GPC5: variants seen among roughly 807,000 people sequenced by gnomAD.
GPC5 encodes glypican-5.
In GPC5, 47 loss-of-function variants were observed where a neutral mutation model predicts 53.9. That is an observed-to-expected ratio of 0.87 (90% CI 0.69 to 1.11). The LOEUF is 1.11. Among genes scored for constraint, GPC5 ranks in the 50% most tolerant of loss-of-function variants. GPC5 has a pLI of 0.00. For synonymous variants in GPC5, 286 were observed against 263.3 expected, an observed-to-expected ratio of 1.09 and a Z score of -0.84; for missense variants, 748 against 713.1, an observed-to-expected ratio of 1.05 and a Z score of -0.56.
At chr13:92,105,205 G>T (rs143433965) in intron 6 of GPC5, among the ~76,000 whole-genome samples, 1 of 151,940 alleles carries the variant, frequency 6.6e-6, no homozygotes, top group South Asian at 2.1e-4. Context: ...ACAACTATGC[G>T]TTGTTTTAAT....
At chr13:92,314,621 T>C (rs965476616) in intron 7 of GPC5, among the ~76,000 whole-genome samples, 3 of 152,200 alleles carry the variant, frequency 2.0e-5, no homozygotes, top group Non-Finnish European at 2.9e-5. Flanking sequence ...AGAATGTGTT[T>C]CTATAGGAAT....
intron 6 of GPC5, among the ~76,000 whole-genome samples, chr13:91,908,446 G>A (rs2039577477): frequency 6.6e-6 from 1 of 152,020 alleles, no homozygotes; most frequent in African/African-American, 2.4e-5. Context: ...TTACTGTGAA[G>A]GTTTTGCAGC....
At chr13:91,780,711 C>T (rs1170603868) in intron 5 of GPC5, among the ~76,000 whole-genome samples, 3 of 152,132 alleles carry the variant, frequency 2.0e-5, no homozygotes, top group Non-Finnish European at 4.4e-5. Flanking sequence ...TCAAACATTT[C>T]TTTTGTAGTA....
At chr13:91,448,641 T>C in intron 1 of GPC5, 120 bp from the exon 2 acceptor site, 1 of 952,390 alleles carries the variant, frequency 1.0e-6, no homozygotes, top group Admixed American at 2.8e-5. Flanking sequence ...GCAAGTACTC[T>C]AGCAAATCCA....
chr13:92,699,448 C>T (rs1375353299), intron 7 of GPC5, among the ~76,000 whole-genome samples: 1 of 151,736 alleles, frequency 6.6e-6, no homozygotes, highest in Non-Finnish European at 1.5e-5. Flanking sequence ...TCTGATCTTA[C>T]TTATTTCTTG....
At chr13:91,531,351 A>T (rs977705352) in intron 2 of GPC5, among the ~76,000 whole-genome samples, 9 of 152,054 alleles carry the variant, frequency 5.9e-5, no homozygotes, top group South Asian at 2.1e-4. Flanking sequence ...GTCATTGTGG[A>T]TAAAGCGAAG....
At chr13:91,428,852 GA>G (rs1225535467) in intron 1 of GPC5, among the ~76,000 whole-genome samples, 4 of 151,924 alleles carry the variant, frequency 2.6e-5, no homozygotes, top group Non-Finnish European at 5.9e-5. Flanking sequence ...TTTGTTTTAG[GA>G]AAAAATCTTG....
intron 7 of GPC5, among the ~76,000 whole-genome samples, chr13:92,350,747 C>A (rs756280673): frequency 6.6e-6 from 1 of 152,066 alleles, no homozygotes; most frequent in Non-Finnish European, 1.5e-5. Flanking sequence ...TTTTATTACA[C>A]GTTGTATATA....
chr13:91,829,970 G>T (rs1343587361), intron 5 of GPC5, among the ~76,000 whole-genome samples: 1 of 152,026 alleles, frequency 6.6e-6, no homozygotes, highest in Non-Finnish European at 1.5e-5. Context: ...GAAGTTTCAG[G>T]CACCATTGTC....
chr13:92,237,680 C>T (rs1446257983), intron 7 of GPC5, among the ~76,000 whole-genome samples: 1 of 152,106 alleles, frequency 6.6e-6, no homozygotes, highest in Non-Finnish European at 1.5e-5. Context: ...ATAGAGTTCA[C>T]AAACTATAGA....
intron 6 of GPC5, among the ~76,000 whole-genome samples, chr13:92,072,482 G>T (rs2041220551): frequency 6.6e-6 from 1 of 151,652 alleles, no homozygotes; most frequent in Non-Finnish European, 1.5e-5. Context: ...GGCCAGGCTG[G>T]TCTCGAACTC....
At chr13:91,800,822 T>A (rs1415267095) in intron 5 of GPC5, among the ~76,000 whole-genome samples, 2 of 152,162 alleles carry the variant, frequency 1.3e-5, no homozygotes, top group East Asian at 3.8e-4. Context: ...TTTTCAACTT[T>A]ATGTGTAGTA....
At chr13:92,590,860 G>A (rs1883690697) in intron 7 of GPC5, among the ~76,000 whole-genome samples, 1 of 152,126 alleles carries the variant, frequency 6.6e-6, no homozygotes, top group African/African-American at 2.4e-5. Flanking sequence ...AGATAGCTAT[G>A]AGCTTATGGT....
chr13:92,709,022 G>C (rs1053883964), intron 7 of GPC5, among the ~76,000 whole-genome samples: 1 of 148,262 alleles, frequency 6.7e-6, no homozygotes, highest in East Asian at 2.0e-4. Context: ...AGCTGGGCCT[G>C]CAGGCACCCA....
intron 5 of GPC5, among the ~76,000 whole-genome samples, chr13:91,831,816 C>G (rs1030350877): frequency 1.3e-5 from 2 of 152,038 alleles, no homozygotes; most frequent in Non-Finnish European, 2.9e-5. Context: ...GCACTGTGGT[C>G]TGAGAGAATG....
intron 5 of GPC5, among the ~76,000 whole-genome samples, chr13:91,757,934 A>T (rs962601031): frequency 3.9e-5 from 6 of 152,148 alleles, no homozygotes; most frequent in Non-Finnish European, 8.8e-5. Flanking sequence ...TAAGCCACTT[A>T]TATATTTCTG....
chr13:92,487,819 A>G (rs1403973082), intron 7 of GPC5, among the ~76,000 whole-genome samples: 1 of 149,092 alleles, frequency 6.7e-6, no homozygotes, highest in Non-Finnish European at 1.5e-5. Flanking sequence ...GATTATAAAT[A>G]TGGACTATAT....
At chr13:91,552,109 A>C (rs2030674646) in intron 2 of GPC5, among the ~76,000 whole-genome samples, 1 of 152,074 alleles carries the variant, frequency 6.6e-6, no homozygotes, top group African/African-American at 2.4e-5. Flanking sequence ...AACATTATGT[A>C]CTGTATTTCC....
chr13:91,613,718 A>G (rs1335064013), intron 2 of GPC5, among the ~76,000 whole-genome samples: 1 of 152,228 alleles, frequency 6.6e-6, no homozygotes, highest in African/African-American at 2.4e-5. Context: ...GCACCTTTAA[A>G]TCATGACATT....
Sources: allele counts gnomAD v4.1 joint callset (sites outside exome capture counted in the v4.1 genomes callset), GRCh38; gene constraint gnomAD v4.1.1; transcripts MANE v1.5; gene names NCBI Gene and HGNC (gene_info 2026-07-23, HGNC 2026-07-21).